Variants in PDE10A observed in about 807,000 individuals in gnomAD.
The protein encoded by PDE10A is cAMP and cAMP-inhibited cGMP 3',5'-cyclic phosphodiesterase 10A.
PDE10A carries 39 observed loss-of-function variants against 97.7 expected under a neutral mutation model. That is an observed-to-expected ratio of 0.40 (90% CI 0.31 to 0.52). The LOEUF is 0.52. PDE10A is among the 20% of genes least tolerant of loss of function. The pLI is 0.56. For synonymous variants in PDE10A, 371 were observed against 376.8 expected, an observed-to-expected ratio of 0.98 and a Z score of 0.18; for missense variants, 731 against 1,047.8, an observed-to-expected ratio of 0.70 and a Z score of 4.17.
At chr6:165,677,013 G>C (rs886829263) in intron 1 of PDE10A, among the ~76,000 whole-genome samples, 3 of 152,252 alleles carry the variant, frequency 2.0e-5, no homozygotes, top group African/African-American at 7.2e-5. Flanking sequence ...AATCTTGCTT[G>C]AATGATTCAC....
At chr6:165,450,386 T>C in intron 3 of PDE10A, 24 bp from the exon 4 acceptor site, 1 of 1,425,510 alleles carries the variant, frequency 7.0e-7, no homozygotes, top group Non-Finnish European at 9.7e-7. Context: ...ATAACAAAAA[T>C]AAAAACAGAG....
intron 1 of PDE10A, among the ~76,000 whole-genome samples, chr6:165,901,983 A>G (rs184436486): frequency 2.0e-5 from 3 of 152,326 alleles, no homozygotes; most frequent in East Asian, 3.9e-4. Flanking sequence ...GTTGCTTTTC[A>G]AACAGTCCCA....
intron 1 of PDE10A, among the ~76,000 whole-genome samples, chr6:165,772,050 G>T (rs1191946437): frequency 6.6e-6 from 1 of 152,184 alleles, no homozygotes. Context: ...TGTTTGAAAT[G>T]CTTCTTTAAA....
intron 1 of PDE10A, among the ~76,000 whole-genome samples, chr6:165,972,732 A>G (rs1562335892): frequency 6.6e-6 from 1 of 152,166 alleles, no homozygotes; most frequent in Admixed American, 6.5e-5. Flanking sequence ...ACTGGCTTCA[A>G]TTAATTAAAT....
At chr6:165,698,476 C>A (rs2128443180) in intron 1 of PDE10A, among the ~76,000 whole-genome samples, 1 of 152,108 alleles carries the variant, frequency 6.6e-6, no homozygotes, top group Non-Finnish European at 1.5e-5. Flanking sequence ...GTGGAAAGAG[C>A]AAGGGTTTGA....
At chr6:165,654,509 T>C (rs1789839918) in intron 1 of PDE10A, among the ~76,000 whole-genome samples, 2 of 152,314 alleles carry the variant, frequency 1.3e-5, no homozygotes, top group Admixed American at 1.3e-4. Context: ...AGGTTCCCTC[T>C]CTGAGGAAAA....
intron 1 of PDE10A, among the ~76,000 whole-genome samples, chr6:165,903,876 A>G (rs1782186246): frequency 6.6e-6 from 1 of 152,144 alleles, no homozygotes; most frequent in Non-Finnish European, 1.5e-5. Flanking sequence ...ACCTATGGAA[A>G]AGAAGAGGGC....
intron 1 of PDE10A, among the ~76,000 whole-genome samples, chr6:165,783,623 T>C (rs1778404466): frequency 6.6e-6 from 1 of 152,174 alleles, no homozygotes; most frequent in Non-Finnish European, 1.5e-5. Context: ...ACACCTGTAA[T>C]ATCATCAGTT....
At chr6:165,850,548 A>G (rs1204182440) in intron 1 of PDE10A, among the ~76,000 whole-genome samples, 1 of 152,122 alleles carries the variant, frequency 6.6e-6, no homozygotes, top group Non-Finnish European at 1.5e-5. Context: ...TACGAATATG[A>G]TATGTTCTCA....
At chr6:165,483,015 G>C (rs1779695090) in intron 2 of PDE10A, among the ~76,000 whole-genome samples, 1 of 152,094 alleles carries the variant, frequency 6.6e-6, no homozygotes, top group African/African-American at 2.4e-5. Flanking sequence ...TGACCAACAG[G>C]GTATAAAACA....
At chr6:165,838,602 C>T (rs1363113982) in intron 1 of PDE10A, among the ~76,000 whole-genome samples, 3 of 152,200 alleles carry the variant, frequency 2.0e-5, no homozygotes, top group Non-Finnish European at 2.9e-5. Context: ...CCACTACTTT[C>T]AAGACAATTT....
chr6:165,963,233 CT>C (rs1429724102), intron 1 of PDE10A, among the ~76,000 whole-genome samples: 17 of 152,202 alleles, frequency 1.1e-4, no homozygotes, highest in Non-Finnish European at 2.2e-4. Context: ...CAAATATGTT[CT>C]TAATCTCCCA....
At chr6:165,803,788 C>T (rs1779043751) in intron 1 of PDE10A, among the ~76,000 whole-genome samples, 1 of 152,206 alleles carries the variant, frequency 6.6e-6, no homozygotes, top group Non-Finnish European at 1.5e-5. Flanking sequence ...CCCAACCCTC[C>T]TTGTATACTT....
chr6:165,398,240 T>C (rs948156861), intron 13 of PDE10A, among the ~76,000 whole-genome samples: 4 of 152,198 alleles, frequency 2.6e-5, no homozygotes, highest in African/African-American at 9.6e-5. Context: ...GGCTAATGCC[T>C]GTAATCCCAG....
At chr6:165,543,609 A>G (rs1783578647) in intron 1 of PDE10A, 41 bp from the exon 2 acceptor site, 1 of 1,503,002 alleles carries the variant, frequency 6.7e-7, no homozygotes, top group African/African-American at 1.4e-5. Context: ...CCTATACAAC[A>G]TCCTCATATC....
intron 2 of PDE10A, among the ~76,000 whole-genome samples, chr6:165,529,669 T>C (rs1181321640): frequency 6.6e-6 from 1 of 152,240 alleles, no homozygotes; most frequent in African/African-American, 2.4e-5. Flanking sequence ...TCTTTTATCA[T>C]GTTACGTAAG....
intron 3 of PDE10A, among the ~76,000 whole-genome samples, chr6:165,464,856 G>C (rs1351285387): frequency 6.6e-6 from 1 of 152,152 alleles, no homozygotes; most frequent in African/African-American, 2.4e-5. Flanking sequence ...TCCATTACTG[G>C]TAACATTCCA....
At chr6:165,733,135 C>A (rs960572937) in intron 1 of PDE10A, among the ~76,000 whole-genome samples, 5 of 152,254 alleles carry the variant, frequency 3.3e-5, no homozygotes, top group African/African-American at 1.2e-4. Context: ...ATCCCAACAG[C>A]TTTCTGGCTC....
At chr6:165,929,761 T>C (rs1251780947) in intron 1 of PDE10A, among the ~76,000 whole-genome samples, 3 of 152,240 alleles carry the variant, frequency 2.0e-5, no homozygotes, top group Non-Finnish European at 2.9e-5. Context: ...GCATGGGCAC[T>C]GCAGTTGCCC....
Sources: allele counts gnomAD v4.1 joint callset (sites outside exome capture counted in the v4.1 genomes callset), GRCh38; gene constraint gnomAD v4.1.1; transcripts MANE v1.5; gene names NCBI Gene and HGNC (gene_info 2026-07-23, HGNC 2026-07-21).